The following TMEM68 variants were observed in gnomAD, a reference collection of about 807,000 sequenced individuals.
TMEM68 encodes the protein DGAT1/2-independent enzyme synthesizing storage lipids.
In TMEM68, 25 loss-of-function variants were observed where a neutral mutation model predicts 36.9. That is an observed-to-expected ratio of 0.68 (90% confidence interval 0.49 to 0.95). The LOEUF (loss-of-function observed/expected upper bound fraction) is 0.95, where lower values mean the gene tolerates loss of function less well. TMEM68 is among the 40% of genes least tolerant of loss of function. The pLI is 0.00. For synonymous variants in TMEM68, 131 were observed against 124.4 expected, an observed-to-expected ratio of 1.05 and a Z score of -0.35; for missense variants, 333 against 392.0, an observed-to-expected ratio of 0.85 and a Z score of 1.27.
chr8:55,760,422 A>C (rs948682162), intron 3 of TMEM68, among the ~76,000 whole-genome samples: 1 of 152,228 alleles, frequency 6.6e-6, no homozygotes, highest in East Asian at 1.9e-4. Context: ...TCAAAGAAAA[A>C]GCGTGAAAAA....
At chr8:55,754,486 CACACACAT>C (rs879703839) in intron 4 of TMEM68, among the ~76,000 whole-genome samples, 6,505 of 139,980 alleles carry the variant, frequency 0.046, 188 homozygotes, top group East Asian at 0.075. Flanking sequence ...CACACACACA[CACACACAT>C]ACATACACAC....
intron 1 of TMEM68, among the ~76,000 whole-genome samples, chr8:55,766,078 T>TA (rs1220240704): frequency 3.9e-5 from 6 of 152,090 alleles, no homozygotes; most frequent in African/African-American, 1.4e-4. Flanking sequence ...GGGAGAAAGA[T>TA]AAACAGCAGT....
intron 1 of TMEM68, among the ~76,000 whole-genome samples, chr8:55,767,431 T>C (rs1320057799): frequency 6.6e-6 from 1 of 152,112 alleles, no homozygotes; most frequent in Non-Finnish European, 1.5e-5. Flanking sequence ...AGGAATTCCA[T>C]TTTAAACATG....
chr8:55,754,436 C>CT (rs1435042417), intron 4 of TMEM68, among the ~76,000 whole-genome samples: 14 of 124,010 alleles, frequency 1.1e-4, no homozygotes, highest in Non-Finnish European at 2.3e-4. Flanking sequence ...GAGCAAGACT[C>CT]TGTCTCGAAT....
chr8:55,769,190 G>T (rs1015197110), intron 1 of TMEM68, among the ~76,000 whole-genome samples: 19 of 150,830 alleles, frequency 1.3e-4, no homozygotes, highest in African/African-American at 4.4e-4. Context: ...AGGCATCATG[G>T]TGCATACCTG....
Position 55,754,781 on chromosome 8 carries a change from T to C in TMEM68, c.493+1463A>G, listed in dbSNP as rs1243530006. ...AAATACATACATTATATATTTATAT[T>C]ATATATAAAATACATATATAATATA... On this transcript the variant is annotated intron_variant, in intron 4 of 7. Coordinates refer to ENST00000434581, the MANE Select transcript of TMEM68 (RefSeq NM_001286657.2). Among the ~76,000 whole-genome samples, 10 of 75,276 alleles carry C rather than the reference T, an allele frequency of 1.3e-4. No individual in the cohort carries two copies. In the Admixed American group the frequency reaches 2.0e-3, roughly 15 times the overall value. The allele number at this position is 75,276 out of a possible 152,430, so 49.4% of individuals were successfully genotyped here.
chr8:55,752,001 G>T (rs1471967128), intron 4 of TMEM68, among the ~76,000 whole-genome samples: 57 of 152,158 alleles, frequency 3.7e-4, no homozygotes, highest in Admixed American at 3.7e-3. Context: ...TTGCGGTCAG[G>T]AGTTCAAGAC....
intron 3 of TMEM68, chr8:55,762,207 T>C (rs1810814537): frequency 6.3e-6 from 1 of 159,962 alleles, no homozygotes; most frequent in Non-Finnish European, 1.4e-5. Context: ...GCATAAATTT[T>C]GGTATGCAAA....
intron 7 of TMEM68, among the ~76,000 whole-genome samples, chr8:55,742,830 C>A (rs1178309591): frequency 2.0e-5 from 3 of 147,502 alleles, no homozygotes; most frequent in Non-Finnish European, 4.5e-5. Context: ...TAGTTTTATA[C>A]TCTCTGAAAG....
intron 4 of TMEM68, among the ~76,000 whole-genome samples, chr8:55,754,462 TATATACACACAC>T (rs1224147412): frequency 4.4e-5 from 5 of 114,438 alleles, no homozygotes; most frequent in African/African-American, 1.8e-4. Flanking sequence ...TATATATATA[TATATACACACAC>T]ACACACACAC....
chr8:55,769,018 T>TAAAAAAAAAAAAAAAAA (rs200493179), intron 1 of TMEM68, among the ~76,000 whole-genome samples: 15 of 82,082 alleles, frequency 1.8e-4, no homozygotes, highest in East Asian at 1.1e-3. Flanking sequence ...ACTCTGTCTT[T>TAAAAAAAAAAAAAAAAA]AAAAAAAAAA....
At chr8:55,769,887 C>T (rs1179590059) in intron 1 of TMEM68, among the ~76,000 whole-genome samples, 1 of 152,214 alleles carries the variant, frequency 6.6e-6, no homozygotes, top group African/African-American at 2.4e-5. Flanking sequence ...CCCGCCTCCA[C>T]CTTCCAAAGT....
chr8:55,749,379 A>G (rs1484771025), intron 5 of TMEM68, among the ~76,000 whole-genome samples: 5 of 152,244 alleles, frequency 3.3e-5, no homozygotes, highest in African/African-American at 1.2e-4. Context: ...CTGTAACAAT[A>G]GCCTTAAATT....
chr8:55,742,806 T>G (rs1810142898), intron 7 of TMEM68, among the ~76,000 whole-genome samples: 1 of 128,254 alleles, frequency 7.8e-6, no homozygotes, highest in African/African-American at 3.4e-5. Flanking sequence ...ATTTGTAGGG[T>G]TTTTTTTTTT....
At chr8:55,751,504 A>ATGATATTGC (rs1810426204) in intron 4 of TMEM68, 1 of 443,798 alleles carries the variant, frequency 2.3e-6, no homozygotes, top group Non-Finnish European at 4.4e-6. Context: ...GGATTCAGAA[A>ATGATATTGC]TGATATCCCA....
At chr8:55,759,319 C>A (rs1356854794) in intron 3 of TMEM68, among the ~76,000 whole-genome samples, 2 of 151,176 alleles carry the variant, frequency 1.3e-5, no homozygotes, top group Non-Finnish European at 2.9e-5. Flanking sequence ...GCCTATAATA[C>A]CAGCACTTTG....
At chr8:55,741,670 C>A (rs1810106897) in intron 7 of TMEM68, among the ~76,000 whole-genome samples, 1 of 151,892 alleles carries the variant, frequency 6.6e-6, no homozygotes, top group South Asian at 2.1e-4. Context: ...CTCCAGGGAC[C>A]CATAATATTC....
chr8:55,766,023 A>T (rs1810951814), intron 1 of TMEM68, among the ~76,000 whole-genome samples: 1 of 152,238 alleles, frequency 6.6e-6, no homozygotes. Context: ...GACAGTAAAC[A>T]AAGAACTAGT....
Position 55,751,330 on chromosome 8 carries a change from C to T in TMEM68, c.494-173G>A. 5.2e-6 allele frequency: 3 copies of T among 580,806 alleles called. No individual in the cohort carries two copies. In the East Asian group the frequency reaches 9.3e-5, roughly 18 times the overall value. The allele number at this position is 580,806 out of a possible 1,614,324, so 36.0% of individuals were successfully genotyped here. ...TTAACTTAAGCTTGATATTAAGCTT[C>T]TCTGGCTCAAATTCTTAAGTAAAAC... On this transcript the variant is annotated intron_variant, in intron 4 of 7. Transcript: ENST00000434581.
Sources: allele counts gnomAD v4.1 joint callset (sites outside exome capture counted in the v4.1 genomes callset), GRCh38; gene constraint gnomAD v4.1.1; transcripts MANE v1.5; gene names NCBI Gene and HGNC (gene_info 2026-07-23, HGNC 2026-07-21).